The following ERMAP variants were observed in gnomAD, a reference collection of about 807,000 sequenced individuals.
The protein encoded by ERMAP is erythroid membrane-associated protein.
ERMAP carries 34 observed loss-of-function variants against 49.5 expected under a neutral mutation model. That is an observed-to-expected ratio of 0.69 (90% CI 0.52 to 0.91). The LOEUF (loss-of-function observed/expected upper bound fraction) is 0.91. Ranked by LOEUF, ERMAP falls within the 40% of genes least tolerant of loss-of-function variation. The probability of loss-of-function intolerance (pLI) is 0.00; values close to 1 mark genes in which losing one functional copy is unlikely to be tolerated. For missense variants in ERMAP, 541 were observed against 582.6 expected (o/e 0.93, Z 0.74); for synonymous variants, 214 against 232.2 (o/e 0.92, Z 0.71).
chr1:42,823,835 G>A (rs912751045), intron 1 of ERMAP, among the ~76,000 whole-genome samples: 2 of 152,208 alleles, frequency 1.3e-5, no homozygotes, highest in Non-Finnish European at 2.9e-5. Context: ...GCCACTTCCT[G>A]ATTTGTGCTA....
At position 42,819,202 on chromosome 1, in the gene ERMAP, T is replaced by TGC. The variant is rs1307476560; in HGVS notation, c.-122+1950_-122+1951insCG. Among the ~76,000 whole-genome samples the TGC allele has an allele frequency of 1.6e-3, 173 of 108,218 alleles. No individual in the cohort carries two copies. The highest frequency in any genetic ancestry group is 5.3e-3 in the African/African-American group (163 of 31,040). The allele number at this position is 108,218 out of a possible 152,430, so 71.0% of individuals were successfully genotyped here. On this transcript the variant is annotated intron_variant, in intron 1 of 11. Transcript: ENST00000372517. This position sits in a 1 kb window ranked among gnomAD's most constrained non-coding sequence, Gnocchi z 5.1. ...GTGTGTGTGTGTGTGTGTGTGTGTG[T>TGC]GTGTGCGCGCGCGCAAGAGAGGGAC...
In ERMAP at chr1:42,844,694, A is replaced by G. The variant is rs2124374592; in HGVS notation, c.*1462A>G. On this transcript the variant is annotated 3_prime_UTR_variant, in exon 12 of 12. Transcript: ENST00000372517. The surrounding 1 kb of genome is among the most constrained non-coding windows in gnomAD (Gnocchi z 4.0). ...TGGTCCTGTCCAAAGGCTATTAGGC[A>G]GGAAGAATTCTCTTAGGGCAGAGTT... 1 of 152,426 alleles carries G rather than the reference A, an allele frequency of 6.6e-6. No individual in the cohort carries two copies. Among genetic ancestry groups the G allele is most frequent in the African/African-American group, 2.4e-5 (1 of 41,602 alleles). 9.4% of individuals were successfully genotyped at this position (152,426 alleles called of 1,614,324 possible). A position where few individuals can be genotyped will look rare whatever the true frequency, so the allele number is the denominator to read the frequency against.
In ERMAP at chr1:42,844,073, C is replaced by T. The variant is rs969343200; in HGVS notation, c.*841C>T. 7.5e-6 allele frequency: 3 copies of T among 398,526 alleles called. No homozygotes were observed. The highest frequency in any genetic ancestry group is 1.3e-5 in the Non-Finnish European group (3 of 226,090). The allele number at this position is 398,526 out of a possible 1,614,324, so 24.7% of individuals were successfully genotyped here. On this transcript the variant is annotated 3_prime_UTR_variant, in exon 12 of 12. Transcript: ENST00000372517. The surrounding 1 kb of genome is among the most constrained non-coding windows in gnomAD (Gnocchi z 4.0). ...AATCAATCTGTTGTGCCAACCCTTT[C>T]TGAGATTCAGAGAGGTCCAGCTAGA... is the stretch of plus-strand genomic sequence containing the variant.
chr1:42,818,645 T>A (rs1337837294), intron 1 of ERMAP, among the ~76,000 whole-genome samples: 3 of 152,062 alleles, frequency 2.0e-5, no homozygotes, highest in Admixed American at 6.6e-5. Flanking sequence ...TTTTTTAAAA[T>A]TTTTTTGTAG....
rs1269819805 is a variant in ERMAP, at chr1:42,843,109, T to G, written c.1305T>G (p.Asp435Glu). Residue 435 changes from aspartate to glutamate, a missense_variant, in exon 12 of 12, where the codon GAT (aspartate) becomes GAG (glutamate). Coordinates refer to ENST00000372517, the MANE Select transcript of ERMAP (RefSeq NM_001017922.2). ...RPEGKGHANG[D>E]VSLKVNSSLL... ...AAGGGAAAGGCCATGCTAATGGAGA[T>G]GTGTCCCTCAAGGTGAACTCTTCTT... is the stretch of plus-strand genomic sequence containing the variant. The G allele has an allele frequency of 6.2e-7, 1 of 1,614,108 alleles. No homozygotes were observed. Among genetic ancestry groups the G allele is most frequent in the African/African-American group, 1.3e-5 (1 of 74,940 alleles).
At chr1:42,827,560 A>G (rs1324598688) in intron 2 of ERMAP, among the ~76,000 whole-genome samples, 1 of 152,240 alleles carries the variant, frequency 6.6e-6, no homozygotes, top group Non-Finnish European at 1.5e-5. Context: ...TGGAGGAATT[A>G]CAGATGATTT....
chr1:42,843,218 G>T lies in ERMAP; in HGVS notation c.1414G>T (p.Ala472Ser), dbSNP rs372626338. 1.3e-6 allele frequency: 2 copies of T among 1,584,066 alleles called. No individual in the cohort carries two copies. The highest frequency in any genetic ancestry group is 1.7e-6 in the Non-Finnish European group (2 of 1,168,060). The change falls in exon 12 of 12, where the codon GCT becomes TCT. Residue 472 changes from alanine to serine, a missense_variant. Physicochemically the swap from Ala to Ser is moderately conservative, Grantham distance 99. Coordinates refer to ENST00000372517, the MANE Select transcript of ERMAP (RefSeq NM_001017922.2). ...TGGCCCAGCCCTTCAGGAGCTCAAG[G>T]CTCCTTCTTTTTAGGGATATGCCAC... ...DLGPALQELKAPSF is the reference protein window; with the variant it reads ...DLGPALQELKSPSF
At chr1:42,840,524 G>T (rs1034098887) in intron 11 of ERMAP, among the ~76,000 whole-genome samples, 2 of 152,032 alleles carry the variant, frequency 1.3e-5, no homozygotes, top group Admixed American at 6.5e-5. Context: ...ATTAGGTTTG[G>T]TCTTCTTAAG....
chr1:42,830,593 A>G, intron 3 of ERMAP, 60 bp downstream of exon 3: 1 of 1,571,124 alleles, frequency 6.4e-7, no homozygotes. Context: ...TCCCCAGAAT[A>G]AGGAAGCTTG....
rs1654363827 is a variant in ERMAP, at chr1:42,819,977, G to A, written c.-122+2724G>A. The stretch of plus-strand genomic sequence containing the variant: ...TTATTCTCTCATTTTGGAGGAGTAT[G>A]TTCTCCACTAACTCCCCAGAAGGGG... On this transcript the variant is annotated intron_variant, in intron 1 of 11. Transcript: ENST00000372517. The surrounding 1 kb of genome is among the most constrained non-coding windows in gnomAD (Gnocchi z 5.1). Among the ~76,000 whole-genome samples the A allele has an allele frequency of 6.6e-6, 1 of 152,146 alleles. No individual in the cohort carries two copies. Among genetic ancestry groups the A allele is most frequent in the South Asian group, 2.1e-4 (1 of 4,828 alleles).
chr1:42,832,208 T>TTTTGGGTGG (rs1189224958), intron 4 of ERMAP, among the ~76,000 whole-genome samples: 1 of 136,004 alleles, frequency 7.4e-6, no homozygotes, highest in African/African-American at 3.0e-5. Context: ...TTTTTTTTTT[T>TTTTGGGTGG]GAGATGGAGT....
At chr1:42,829,128 G>A (rs1654640409) in intron 2 of ERMAP, among the ~76,000 whole-genome samples, 1 of 152,212 alleles carries the variant, frequency 6.6e-6, no homozygotes, top group South Asian at 2.1e-4. Flanking sequence ...ACAAAAAAAT[G>A]TGTCCTAATG....
rs1655122985 is a variant in ERMAP, at chr1:42,843,322, T to C, written c.*90T>C. 7 of 934,178 alleles carry C rather than the reference T, an allele frequency of 7.5e-6. No individual in the cohort carries two copies. The East Asian group carries it at 1.8e-4, about 25-fold the overall frequency. The allele number at this position is 934,178 out of a possible 1,614,324, so 57.9% of individuals were successfully genotyped here. ...CCCAACCCCATGATTATGGAACGTC[T>C]CTTCACCTTAACCCAAATCCAGACC... On this transcript the variant is annotated 3_prime_UTR_variant, in exon 12 of 12. Coordinates refer to ENST00000372517, the MANE Select transcript of ERMAP (RefSeq NM_001017922.2).
chr1:42,837,244 T>C, intron 7 of ERMAP, 54 bp downstream of exon 7: 5 of 1,560,146 alleles, frequency 3.2e-6, no homozygotes, highest in Non-Finnish European at 3.5e-6. Context: ...TCTTTATTTT[T>C]CTATGTAAAT....
intron 2 of ERMAP, 180 bp downstream of exon 2, chr1:42,825,918 A>G (rs1159702800): frequency 2.9e-6 from 2 of 701,606 alleles, no homozygotes; most frequent in African/African-American, 1.9e-5. Context: ...AGATTGCTGG[A>G]TGGGTTTTGT....
At chr1:42,838,808 A>G in intron 7 of ERMAP, 93 bp from the exon 8 acceptor site, 1 of 1,581,112 alleles carries the variant, frequency 6.3e-7, no homozygotes, top group Non-Finnish European at 8.7e-7. Context: ...CATCATTTTA[A>G]TCTTGTGGGT....
chr1:42,832,999 C>A (rs1296502239), intron 4 of ERMAP, among the ~76,000 whole-genome samples: 2 of 152,200 alleles, frequency 1.3e-5, no homozygotes, highest in Non-Finnish European at 2.9e-5. Context: ...TGTCAGAGGC[C>A]CACTCTCTGG....
chr1:42,823,620 G>A (rs1172298301), intron 1 of ERMAP, among the ~76,000 whole-genome samples: 2 of 152,126 alleles, frequency 1.3e-5, no homozygotes, highest in Admixed American at 6.5e-5. Flanking sequence ...TGTACTTTCA[G>A]GTAAGAATGG....
Position 42,843,000 on chromosome 1 carries a change from T to A in ERMAP, c.1196T>A (p.Leu399His). ...CTTCGCCCTTTCTTTGAACCTTGCCTTCATGATGGAGGAAAAAACACAGCA... is the reference window on the plus strand; with the variant it reads ...CTTCGCCCTTTCTTTGAACCTTGCCATCATGATGGAGGAAAAAACACAGCA... Reference protein sequence around the residue: ...GPLRPFFEPCLHDGGKNTAPL... With the variant: ...GPLRPFFEPCHHDGGKNTAPL... The change falls in exon 12 of 12, where the codon CTT becomes CAT. Residue 399 changes from leucine to histidine, a missense_variant. Transcript: ENST00000372517. 1 of 1,614,172 alleles carries A rather than the reference T, an allele frequency of 6.2e-7. No individual in the cohort carries two copies. Among genetic ancestry groups the A allele is most frequent in the Non-Finnish European group, 8.5e-7 (1 of 1,180,028 alleles).
Sources: gnomAD v4.1 joint callset for allele counts (sites outside exome capture counted in the v4.1 genomes callset) on GRCh38, gnomAD v4.1.1 for gene constraint, Gnocchi (gnomAD v3.1) non-coding constraint, MANE v1.5 for transcripts, NCBI Gene and HGNC (gene_info 2026-07-23, HGNC 2026-07-21) for gene names.